The following RREB1 variants were observed in gnomAD, a reference collection of about 807,000 sequenced individuals.
The protein encoded by RREB1 is ras-responsive element-binding protein 1.
In RREB1, 27 loss-of-function variants were observed where a neutral mutation model predicts 117.8. That is an observed-to-expected ratio of 0.23 (90% CI 0.17 to 0.32). RREB1 has a LOEUF of 0.32. RREB1 is among the 10% of genes least tolerant of loss of function. RREB1 has a pLI of 1.00. For synonymous variants in RREB1, 1,298 were observed against 1,026.7 expected (o/e 1.26, Z -5.05); for missense variants, 2,577 against 2,378.2 (o/e 1.08, Z -1.74).
At chr6:7,158,885 T>C (rs1763514074) in intron 1 of RREB1, among the ~76,000 whole-genome samples, 1 of 152,072 alleles carries the variant, frequency 6.6e-6, no homozygotes, top group Non-Finnish European at 1.5e-5. Context: ...TAAACCTTGA[T>C]AGCTTAAAGG....
intron 1 of RREB1, among the ~76,000 whole-genome samples, chr6:7,109,211 C>T (rs981398011): frequency 2.0e-4 from 30 of 152,082 alleles, no homozygotes; most frequent in African/African-American, 7.0e-4. Flanking sequence ...CCATCCCGGC[C>T]CCCGGCGTCT....
At chr6:7,240,197 G>A (rs1768611048) in intron 10 of RREB1, among the ~76,000 whole-genome samples, 1 of 151,036 alleles carries the variant, frequency 6.6e-6, no homozygotes, top group Non-Finnish European at 1.5e-5. Flanking sequence ...ATATTTTTCA[G>A]TTTCATTTAT....
chr6:7,212,100 G>A lies in RREB1; in HGVS notation c.707+391G>A, dbSNP rs569915153. The stretch of plus-strand genomic sequence containing the variant: ...TGTGGCCCAAACAGGGACAGCCCAC[G>A]TGTTGGATACCCCTGGCACAGCACT... On this transcript the variant is annotated intron_variant, in intron 8 of 12. Coordinates refer to ENST00000379938, the MANE Select transcript of RREB1 (RefSeq NM_001003699.4). 154 of 232,810 alleles carry A rather than the reference G, an allele frequency of 6.6e-4. 2 individuals carry two copies. The South Asian group carries it at 7.8e-3, about 12-fold the overall frequency. The allele number at this position is 232,810 out of a possible 1,614,324, so 14.4% of individuals were successfully genotyped here. A position where few individuals can be genotyped will look rare whatever the true frequency, so the allele number is the denominator to read the frequency against.
intron 1 of RREB1, among the ~76,000 whole-genome samples, chr6:7,118,184 A>T (rs1437312058): frequency 6.6e-6 from 1 of 152,106 alleles, no homozygotes; most frequent in African/African-American, 2.4e-5. Flanking sequence ...GCAGGGGTGG[A>T]ATCTCAGCTC....
At position 7,246,433 on chromosome 6, in the gene RREB1, C is replaced by T. The variant is rs1487640304; in HGVS notation, c.3983C>T (p.Ser1328Leu). Residue 1328 changes from serine to leucine, a missense_variant, in exon 12 of 13, where the codon TCG becomes TTG. Coordinates refer to ENST00000379938, the MANE Select transcript of RREB1 (RefSeq NM_001003699.4). ...TGTGCTTGCCCCACAGACAGTCAGT[C>T]GGATGCGGAGACTGCAGCCGCCGCG... ...VGSHDSTDSQ[S>L]DAETAAAAGE... is the part of the protein sequence containing the mutation. 1 of 1,486,716 alleles carries T rather than the reference C, an allele frequency of 6.7e-7. No individual in the cohort carries two copies. Among genetic ancestry groups the T allele is most frequent in the Non-Finnish European group, 9.0e-7 (1 of 1,114,420 alleles). The allele number at this position is 1,486,716 out of a possible 1,614,324, so 92.1% of individuals were successfully genotyped here.
intron 1 of RREB1, among the ~76,000 whole-genome samples, chr6:7,172,394 A>T (rs1173317209): frequency 6.6e-6 from 1 of 150,876 alleles, no homozygotes; most frequent in East Asian, 2.0e-4. Context: ...GTACCAAGGG[A>T]TGCATCCCCC....
chr6:7,231,008 C>G lies in RREB1; in HGVS notation c.2909C>G (p.Ser970Cys), dbSNP rs1264989704. ...GAGGCGGGGAGCAGCGAGCAGCCCT[C>G]TCCCTGCCCAGCACCCGGCCCTTCT... ...EEEAGSSEQP[S>C]PCPAPGPSLP... is the part of the protein sequence containing the mutation. The change falls in exon 10 of 13, where the codon TCT (serine) becomes TGT (cysteine). Residue 970 changes from serine to cysteine, a missense_variant. By Grantham distance (112) the Ser-to-Cys change is moderately radical (BLOSUM62 -1). Coordinates refer to ENST00000379938, the MANE Select transcript of RREB1 (RefSeq NM_001003699.4). The G allele has an allele frequency of 6.2e-7, 1 of 1,614,062 alleles. No individual in the cohort carries two copies. Among genetic ancestry groups the G allele is most frequent in the South Asian group, 1.1e-5 (1 of 91,090 alleles).
At chr6:7,173,933 G>A (rs915230429) in intron 1 of RREB1, among the ~76,000 whole-genome samples, 7 of 152,076 alleles carry the variant, frequency 4.6e-5, no homozygotes, top group South Asian at 2.1e-4. Context: ...GCTTTACATA[G>A]CATTGTCCCG....
chr6:7,125,434 C>A (rs1379985071), intron 1 of RREB1, among the ~76,000 whole-genome samples: 2 of 152,196 alleles, frequency 1.3e-5, no homozygotes, highest in African/African-American at 4.8e-5. Flanking sequence ...GCTAGTCCTC[C>A]ATGTGGTTAA....
intron 1 of RREB1, among the ~76,000 whole-genome samples, chr6:7,113,487 C>A (rs962754228): frequency 1.3e-5 from 2 of 152,106 alleles, no homozygotes; most frequent in Non-Finnish European, 2.9e-5. Context: ...TTTGTGGAGG[C>A]CTTTAGCAAA....
At chr6:7,127,274 T>C (rs1761980217) in intron 1 of RREB1, among the ~76,000 whole-genome samples, 1 of 152,058 alleles carries the variant, frequency 6.6e-6, no homozygotes, top group Non-Finnish European at 1.5e-5. Flanking sequence ...GCTAACCCTT[T>C]AGAAAATTTA....
At chr6:7,154,161 G>A (rs1417184726) in intron 1 of RREB1, among the ~76,000 whole-genome samples, 1 of 152,210 alleles carries the variant, frequency 6.6e-6, no homozygotes. Flanking sequence ...GGTTCTCTAT[G>A]CACATAAACT....
chr6:7,248,199 GTC>G (rs1769216026), intron 12 of RREB1, among the ~76,000 whole-genome samples: 1 of 152,218 alleles, frequency 6.6e-6, no homozygotes, highest in Non-Finnish European at 1.5e-5. Context: ...TTCCTTCCCA[GTC>G]TCTGGTCGAG....
chr6:7,217,508 C>T (rs1335660332), intron 8 of RREB1: 1 of 152,182 alleles, frequency 6.6e-6, no homozygotes, highest in Non-Finnish European at 1.5e-5. Context: ...GGAGCCAGGG[C>T]ATCTGCAAAT....
rs1767882114 is a variant in RREB1, at chr6:7,230,634, G to A, written c.2535G>A (p.Gly845=). 3 of 1,603,716 alleles carry A rather than the reference G, an allele frequency of 1.9e-6. No individual in the cohort carries two copies. The highest frequency in any genetic ancestry group is 2.6e-6 in the Non-Finnish European group (3 of 1,175,688). ...EAPAAEASGR[G]EDSGCAALGD... ...CGGCCGCTGAGGCGTCGGGGCGCGG[G>A]GAGGACAGTGGCTGCGCTGCCCTTG... Residue 845 remains glycine (G), a synonymous_variant, in exon 10 of 13, where the codon GGG becomes GGA. Coordinates refer to ENST00000379938, the MANE Select transcript of RREB1 (RefSeq NM_001003699.4).
Position 7,231,829 on chromosome 6 carries a change from CAGA to C in RREB1, c.3734_3736del (p.Lys1245del). The C allele has an allele frequency of 6.2e-7, 1 of 1,613,730 alleles. No individual in the cohort carries two copies. The highest frequency in any genetic ancestry group is 8.5e-7 in the Non-Finnish European group (1 of 1,180,020). On this transcript the variant is annotated inframe_deletion, in exon 10 of 13. Transcript: ENST00000379938. ...GCGGAACTCGTACACCAACTGCCTG[CAGA>C]AGATCACCTGTCCCCACTGTCCCCG... is the stretch of plus-strand genomic sequence containing the variant.
At chr6:7,203,921 G>A (rs1293805148) in intron 6 of RREB1, among the ~76,000 whole-genome samples, 2 of 152,176 alleles carry the variant, frequency 1.3e-5, no homozygotes, top group African/African-American at 2.4e-5. Context: ...CATGGCCTCT[G>A]TGGGCCATAT....
rs1414878272 is a variant in RREB1 at position 7,246,602 on chromosome 6, T to G, written c.4152T>G (p.Arg1384=). The G allele has an allele frequency of 6.4e-7, 1 of 1,557,456 alleles. No individual in the cohort carries two copies. Among genetic ancestry groups the G allele is most frequent in the African/African-American group, 1.4e-5 (1 of 73,006 alleles). Residue 1384 remains arginine, a synonymous_variant, in exon 12 of 13, where the codon CGT becomes CGG. Coordinates refer to ENST00000379938, the MANE Select transcript of RREB1 (RefSeq NM_001003699.4). The part of the protein sequence containing the change: ...ASPVHREEHG[R]GESHEPEEEH... ...CGGTGCACCGGGAAGAGCACGGGCG[T>G]GGGGAGAGCCATGAGCCGGAGGAGG...
intron 6 of RREB1, among the ~76,000 whole-genome samples, chr6:7,191,908 C>A (rs1050083416): frequency 3.9e-5 from 6 of 152,010 alleles, no homozygotes; most frequent in African/African-American, 1.4e-4. Flanking sequence ...CTAGAACCTG[C>A]AAAACAATGT....
Sources: gnomAD v4.1 joint callset for allele counts (sites outside exome capture counted in the v4.1 genomes callset) on GRCh38, gnomAD v4.1.1 for gene constraint, MANE v1.5 for transcripts, NCBI Gene and HGNC (gene_info 2026-07-23, HGNC 2026-07-21) for gene names.